Variants in ADK observed in about 807,000 individuals in gnomAD.
ADK encodes N6,N6-dimethyladenosine kinase.
Under a neutral mutation model 44.7 loss-of-function variants are expected in ADK, and 24 were observed. The observed-to-expected ratio is 0.54, with a 90% CI of 0.39 to 0.76. ADK has a LOEUF of 0.76. Among genes scored for constraint, ADK ranks in the 30% least tolerant of loss-of-function variants. The pLI, the probability that ADK is intolerant of heterozygous loss-of-function variation, is 0.00. For synonymous variants in ADK, 128 were observed against 142.6 expected (o/e 0.90, Z 0.73); for missense variants, 321 against 425.1 (o/e 0.76, Z 2.15).
At chr10:74,553,927 G>GA (rs1291340102) in intron 7 of ADK, among the ~76,000 whole-genome samples, 1 of 151,936 alleles carries the variant, frequency 6.6e-6, no homozygotes, top group Admixed American at 6.6e-5. Context: ...TCTATTTTGA[G>GA]AAAAAATAAT....
intron 2 of ADK, among the ~76,000 whole-genome samples, chr10:74,217,997 C>T (rs1450118298): frequency 1.3e-5 from 2 of 152,148 alleles, no homozygotes; most frequent in Non-Finnish European, 2.9e-5. Flanking sequence ...AGTTCCTCAC[C>T]AGCAATGGAA....
intron 9 of ADK, among the ~76,000 whole-genome samples, chr10:74,638,231 A>G (rs559737228): frequency 9.9e-5 from 15 of 152,224 alleles, no homozygotes; most frequent in Admixed American, 2.6e-4. Flanking sequence ...GTTGGTTTCT[A>G]TGGACTGAAT....
At chr10:74,302,750 C>T (rs1038225624) in intron 3 of ADK, among the ~76,000 whole-genome samples, 2 of 152,048 alleles carry the variant, frequency 1.3e-5, no homozygotes, top group African/African-American at 2.4e-5. Context: ...GAACCCAAAT[C>T]GTGCCACTGC....
chr10:74,687,915 C>T (rs1359538525), intron 10 of ADK, among the ~76,000 whole-genome samples: 2 of 152,122 alleles, frequency 1.3e-5, no homozygotes, highest in Non-Finnish European at 1.5e-5. Context: ...GTATAATAGC[C>T]AAAATAATCA....
chr10:74,207,552 C>T lies in ADK; in HGVS notation c.140+6714C>T, dbSNP rs767143941. ...GGGTAGCTCCTTTCTGCAGGCAGGT[C>T]GTCCTGACAAGTGTTCACCTCTCAG... On this transcript the variant is annotated intron_variant, in intron 2 of 10. Coordinates refer to ENST00000539909, the MANE Select transcript of ADK (RefSeq NM_006721.4). 2.0e-5 allele frequency among the ~76,000 whole-genome samples: 3 copies of T among 152,170 alleles called. 1 individual carries two copies. Among genetic ancestry groups the T allele is most frequent in the South Asian group, 4.1e-4 (2 of 4,826 alleles).
At chr10:74,378,844 G>A (rs1842893550) in intron 4 of ADK, among the ~76,000 whole-genome samples, 1 of 151,998 alleles carries the variant, frequency 6.6e-6, no homozygotes, top group Non-Finnish European at 1.5e-5. Context: ...TGTGCTTCTG[G>A]AGTCCTAGCT....
intron 9 of ADK, among the ~76,000 whole-genome samples, chr10:74,629,618 T>G (rs148405135): frequency 2.0e-5 from 3 of 152,300 alleles, no homozygotes; most frequent in African/African-American, 7.2e-5. Flanking sequence ...GAGCTTATAC[T>G]TGTGAAGTGT....
intron 3 of ADK, among the ~76,000 whole-genome samples, chr10:74,277,536 A>G (rs1846743782): frequency 6.6e-6 from 1 of 152,032 alleles, no homozygotes; most frequent in Non-Finnish European, 1.5e-5. Flanking sequence ...AGCTGGGACT[A>G]CAGGCACCCG....
At position 74,201,728 on chromosome 10, in the gene ADK, CTATA is replaced by C. The variant is rs61482962; in HGVS notation, c.140+894_140+897del. On this transcript the variant is annotated intron_variant, in intron 2 of 10. Transcript: ENST00000539909. Reference sequence around the variant, plus strand: ...TCTATCTATCTATCTATCTATCTATCTATATATGGTTCAGTACTATCCATGGTTT... The same window carrying C: ...TCTATCTATCTATCTATCTATCTATCTATGGTTCAGTACTATCCATGGTTT... Among the ~76,000 whole-genome samples the C allele has an allele frequency of 3.7e-3, 503 of 134,824 alleles. 2 individuals are homozygous for C. The highest frequency in any genetic ancestry group is 0.012 in the African/African-American group (454 of 36,986). The allele number at this position is 134,824 out of a possible 152,430, so 88.4% of individuals were successfully genotyped here.
intron 3 of ADK, among the ~76,000 whole-genome samples, chr10:74,245,702 T>A (rs1845390215): frequency 6.6e-6 from 1 of 151,754 alleles, no homozygotes; most frequent in African/African-American, 2.4e-5. Context: ...GCAATTCTCC[T>A]GTGTCAGCCT....
intron 6 of ADK, among the ~76,000 whole-genome samples, chr10:74,407,491 ACT>A (rs1843990844): frequency 6.6e-6 from 1 of 150,742 alleles, no homozygotes; most frequent in African/African-American, 2.4e-5. Context: ...TAATTCTGTC[ACT>A]TTTTTTTAAT....
At chr10:74,305,886 C>A (rs924220708) in intron 3 of ADK, among the ~76,000 whole-genome samples, 2 of 152,012 alleles carry the variant, frequency 1.3e-5, no homozygotes, top group Non-Finnish European at 2.9e-5. Context: ...ATCACTATGC[C>A]TGGCTATTTT....
At chr10:74,468,768 A>G (rs908026004) in intron 6 of ADK, among the ~76,000 whole-genome samples, 6 of 152,218 alleles carry the variant, frequency 3.9e-5, no homozygotes, top group Admixed American at 2.6e-4. Flanking sequence ...AAATGGCATT[A>G]TGAATCCCTG....
At chr10:74,246,555 G>T (rs1354115266) in intron 3 of ADK, among the ~76,000 whole-genome samples, 1 of 152,196 alleles carries the variant, frequency 6.6e-6, no homozygotes, top group Non-Finnish European at 1.5e-5. Flanking sequence ...GGTTACTTCA[G>T]ATTAGGGATT....
At chr10:74,208,917 A>G (rs1843705155) in intron 2 of ADK, among the ~76,000 whole-genome samples, 1 of 151,958 alleles carries the variant, frequency 6.6e-6, no homozygotes, top group Admixed American at 6.6e-5. Flanking sequence ...TTGCAGTTTT[A>G]GTAGAGACAG....
At chr10:74,558,446 CCATG>C (rs1850342832) in intron 7 of ADK, among the ~76,000 whole-genome samples, 1 of 152,120 alleles carries the variant, frequency 6.6e-6, no homozygotes, top group Non-Finnish European at 1.5e-5. Context: ...GCAGTTTTCC[CCATG>C]CTGTTCTCAT....
intron 4 of ADK, among the ~76,000 whole-genome samples, chr10:74,356,744 T>C (rs1289680092): frequency 6.6e-6 from 1 of 152,204 alleles, no homozygotes; most frequent in East Asian, 1.9e-4. Context: ...TAAACATTAT[T>C]AATCCCATTT....
chr10:74,354,666 G>A (rs547068658), intron 4 of ADK, among the ~76,000 whole-genome samples: 1 of 152,080 alleles, frequency 6.6e-6, no homozygotes, highest in East Asian at 1.9e-4. Context: ...TGATGTGAAG[G>A]GTCTACTCCA....
chr10:74,686,055 G>A (rs974024400), intron 10 of ADK, among the ~76,000 whole-genome samples: 30 of 152,004 alleles, frequency 2.0e-4, no homozygotes, highest in African/African-American at 6.5e-4. Context: ...TCCGCCTCCC[G>A]GGTTCACGCT....
Sources: gnomAD v4.1 joint callset for allele counts (sites outside exome capture counted in the v4.1 genomes callset) on GRCh38, gnomAD v4.1.1 for gene constraint, MANE v1.5 for transcripts, NCBI Gene and HGNC (gene_info 2026-07-23, HGNC 2026-07-21) for gene names.